PSMA6: variants seen among roughly 807,000 people sequenced by gnomAD.
PSMA6 encodes proteasome subunit alpha type-6.
For missense variants in PSMA6, 170 were observed against 294.8 expected, an observed-to-expected ratio of 0.58 and a Z score of 3.10; for synonymous variants, 88 against 97.7, an observed-to-expected ratio of 0.90 and a Z score of 0.59.
intron 1 of PSMA6, among the ~76,000 whole-genome samples, chr14:35,297,938 A>G (rs1306697076): frequency 6.6e-6 from 1 of 152,212 alleles, no homozygotes; most frequent in Non-Finnish European, 1.5e-5. Flanking sequence ...AGATATTACT[A>G]TGGAAATGAC....
At chr14:35,289,082 G>C (rs1398397597), upstream of PSMA6, among the ~76,000 whole-genome samples, 1 of 152,138 alleles carries the variant, frequency 6.6e-6, no homozygotes, top group Non-Finnish European at 1.5e-5. Flanking sequence ...CCTGGCTTGA[G>C]CCTAGGAGTT....
chr14:35,297,125 T>G (rs867881139), intron 1 of PSMA6, among the ~76,000 whole-genome samples: 6,397 of 144,232 alleles, frequency 0.044, 180 homozygotes, highest in Middle Eastern at 0.086. Context: ...CAAAGTTTTT[T>G]TTTTTTTTTT....
chr14:35,313,653 T>G (rs1162065888), intron 5 of PSMA6: 3 of 152,336 alleles, frequency 2.0e-5, no homozygotes, highest in African/African-American at 7.2e-5. Flanking sequence ...AATTCATAAT[T>G]AATTACATAA....
At chr14:35,316,058 A>G (rs1397618544) in intron 6 of PSMA6, 3 of 152,202 alleles carry the variant, frequency 2.0e-5, no homozygotes, top group African/African-American at 7.2e-5. Context: ...TTGCCAAACA[A>G]TTGCTTCCTT....
At position 35,292,384 on chromosome 14, in the gene PSMA6, A is replaced by T; in HGVS notation, c.-93A>T. Reference sequence around the variant, plus strand: ...GGAAGAAACGCGGCTGGTACCCCGGAAGCAGTCGCTGCAACTTCCGGGAGG... The same window carrying T: ...GGAAGAAACGCGGCTGGTACCCCGGTAGCAGTCGCTGCAACTTCCGGGAGG... On this transcript the variant is annotated 5_prime_UTR_variant, in exon 1 of 7. Transcript: ENST00000261479. 6.5e-7 allele frequency: 1 copy of T among 1,541,518 alleles called. No homozygotes were observed. The highest frequency in any genetic ancestry group is 8.7e-7 in the Non-Finnish European group (1 of 1,144,708).
At chr14:35,306,252 A>G (rs910814275) in intron 1 of PSMA6, among the ~76,000 whole-genome samples, 8 of 151,646 alleles carry the variant, frequency 5.3e-5, no homozygotes, top group African/African-American at 1.2e-4. Context: ...ATATGTGTCT[A>G]TTATTAAATT....
intron 1 of PSMA6, among the ~76,000 whole-genome samples, chr14:35,303,909 CT>C (rs59394747): frequency 0.053 from 7,557 of 141,462 alleles, 261 homozygotes; most frequent in African/African-American, 0.1. Flanking sequence ...TAATTTCTTT[CT>C]TTTTTTTTTT....
At chr14:35,314,310 C>A in intron 5 of PSMA6, 51 bp from the exon 6 acceptor site, 1 of 1,481,858 alleles carries the variant, frequency 6.7e-7, no homozygotes, top group South Asian at 1.4e-5. Flanking sequence ...ATGAGAAAAC[C>A]TTGGAATCTC....
upstream of PSMA6, among the ~76,000 whole-genome samples, chr14:35,287,420 T>TC: frequency 6.6e-6 from 1 of 152,298 alleles, no homozygotes; most frequent in Admixed American, 6.5e-5. Context: ...CAAATAGGCT[T>TC]CTTTTTTTTT....
At chr14:35,314,554 C>A in intron 6 of PSMA6, 99 bp downstream of exon 6, 2 of 1,331,648 alleles carry the variant, frequency 1.5e-6, no homozygotes, top group Non-Finnish European at 2.0e-6. Context: ...CTTTAACTGT[C>A]ATTATAGTTT....
At chr14:35,300,415 T>A (rs762172511) in intron 1 of PSMA6, among the ~76,000 whole-genome samples, 2 of 152,096 alleles carry the variant, frequency 1.3e-5, no homozygotes, top group African/African-American at 2.4e-5. Flanking sequence ...CAGGTTGCAG[T>A]GAGCTACGAT....
chr14:35,291,007 T>TA (rs1176207936), upstream of PSMA6, among the ~76,000 whole-genome samples: 3 of 151,948 alleles, frequency 2.0e-5, no homozygotes, highest in East Asian at 3.9e-4. Context: ...TTTTTTTTTT[T>TA]ATTTAGATAG....
At chr14:35,307,336 A>C (rs1395150441) in intron 1 of PSMA6, among the ~76,000 whole-genome samples, 1 of 152,266 alleles carries the variant, frequency 6.6e-6, no homozygotes, top group Non-Finnish European at 1.5e-5. Flanking sequence ...TAAAGCAGCT[A>C]AATTTGACCT....
At chr14:35,282,375 C>G (rs1164231985) in intron 1 of PSMA6, among the ~76,000 whole-genome samples, 1 of 152,088 alleles carries the variant, frequency 6.6e-6, no homozygotes, top group East Asian at 1.9e-4. Flanking sequence ...GCTGGTACTA[C>G]TGGCGCACTC....
upstream of PSMA6, among the ~76,000 whole-genome samples, chr14:35,288,236 G>A (rs548280770): frequency 1.7e-4 from 26 of 152,272 alleles, no homozygotes; most frequent in Admixed American, 1.6e-3. Flanking sequence ...GGTGGCTCAC[G>A]CCTGTAATCC....
chr14:35,305,927 TA>T (rs2051816781), intron 1 of PSMA6, among the ~76,000 whole-genome samples: 1 of 151,692 alleles, frequency 6.6e-6, no homozygotes, highest in African/African-American at 2.4e-5. Context: ...TATTTTTAAC[TA>T]AAAATAAAAT....
At chr14:35,301,270 C>G (rs559617615) in intron 1 of PSMA6, among the ~76,000 whole-genome samples, 1 of 152,002 alleles carries the variant, frequency 6.6e-6, no homozygotes, top group Admixed American at 6.6e-5. Flanking sequence ...TTTGGGAGGC[C>G]GAGGCGGGTG....
At chr14:35,314,321 T>TA (rs758344967) in intron 5 of PSMA6, 40 bp from the exon 6 acceptor site, 12 of 1,523,442 alleles carry the variant, frequency 7.9e-6, no homozygotes, top group Non-Finnish European at 1.1e-5. Flanking sequence ...TTGGAATCTC[T>TA]AAAAAATACT....
At chr14:35,291,628 T>G (rs2051481901), upstream of PSMA6, among the ~76,000 whole-genome samples, 1 of 151,824 alleles carries the variant, frequency 6.6e-6, no homozygotes, top group Non-Finnish European at 1.5e-5. Flanking sequence ...GTTCGAGAGC[T>G]GCCTGACCAA....
Sources: allele counts gnomAD v4.1 joint callset (sites outside exome capture counted in the v4.1 genomes callset), GRCh38; gene constraint gnomAD v4.1.1; transcripts MANE v1.5; gene names NCBI Gene and HGNC (gene_info 2026-07-23, HGNC 2026-07-21).